The following NLRP5 variants were observed in gnomAD, a reference collection of about 807,000 sequenced individuals.
NLRP5 encodes the protein NLR family pyrin domain containing 5, also known as NACHT, LRR and PYD domains-containing protein 5.
Under a neutral mutation model 113.1 loss-of-function variants are expected in NLRP5, and 93 were observed. That is an observed-to-expected ratio of 0.82 (90% CI 0.70 to 0.98). The LOEUF (loss-of-function observed/expected upper bound fraction) is 0.98, where lower values mean the gene tolerates loss of function less well. Among genes scored for constraint, NLRP5 ranks in the 50% least tolerant of loss-of-function variants. The pLI, the probability that NLRP5 is intolerant of heterozygous loss-of-function variation, is 0.00. For synonymous variants in NLRP5, 751 were observed against 600.7 expected (o/e 1.25, Z -3.66); for missense variants, 1,808 against 1,514.3 (o/e 1.19, Z -3.22).
the NLRP5 span, among the ~76,000 whole-genome samples, chr19:55,990,353 T>C: frequency 6.6e-6 from 1 of 151,910 alleles, no homozygotes; most frequent in African/African-American, 2.4e-5. Context: ...GATCCCAAAG[T>C]GCTGGGATTA....
intron 6 of NLRP5, 140 bp downstream of exon 6, chr19:56,020,571 C>G (rs1982575987): frequency 4.5e-6 from 4 of 898,466 alleles, no homozygotes; most frequent in Non-Finnish European, 5.2e-6. Context: ...CAACCCCTTC[C>G]CTTCAAGCTC....
intron 3 of NLRP5, among the ~76,000 whole-genome samples, chr19:56,012,809 C>A (rs952172101): frequency 1.3e-5 from 2 of 152,182 alleles, no homozygotes; most frequent in African/African-American, 4.8e-5. Context: ...ACCTTTGATA[C>A]ACTTCTGATA....
chr19:56,037,981 T>C (rs201706612), intron 9 of NLRP5, 44 bp from the exon 10 acceptor site: 3 of 1,608,518 alleles, frequency 1.9e-6, no homozygotes, highest in East Asian at 2.2e-5. Context: ...AATGGGCTGC[T>C]TTGGACAAGA....
chr19:56,038,304 G>A, intron 10 of NLRP5, 109 bp downstream of exon 10: 6 of 1,249,632 alleles, frequency 4.8e-6, no homozygotes, highest in Non-Finnish European at 6.9e-6. Flanking sequence ...GTACAAACCA[G>A]GGGTGAGGAA....
chr19:56,056,191 C>CT (rs1371784005), intron 13 of NLRP5, among the ~76,000 whole-genome samples: 1 of 152,152 alleles, frequency 6.6e-6, no homozygotes, highest in African/African-American at 2.4e-5. Flanking sequence ...AAATCATTTA[C>CT]TAGGAAAGCC....
chr19:56,028,814 GAGTGT>G (rs1306919612), intron 7 of NLRP5, among the ~76,000 whole-genome samples: 1 of 152,188 alleles, frequency 6.6e-6, no homozygotes, highest in African/African-American at 2.4e-5. Context: ...TGCCAGGCTG[GAGTGT>G]AGTGGCACGA....
rs969116435 is a variant in NLRP5 at position 56,007,253 on chromosome 19, A to G, written c.443-1535A>G. On this transcript the variant is annotated intron_variant, in intron 2 of 14. Transcript: ENST00000390649. ...GTGGCAGGCACCTGTAATCCCAGCTACTAGGTAGGCTGAGGCAGGAGAATC... is the reference window on the plus strand; with the variant it reads ...GTGGCAGGCACCTGTAATCCCAGCTGCTAGGTAGGCTGAGGCAGGAGAATC... Among the ~76,000 whole-genome samples the G allele has an allele frequency of 2.1e-4, 31 of 151,208 alleles. No individual in the cohort carries two copies. In the South Asian group the frequency reaches 3.5e-3, roughly 17 times the overall value.
intron 6 of NLRP5, among the ~76,000 whole-genome samples, chr19:56,024,549 ATG>A (rs1310555575): frequency 1.4e-5 from 2 of 145,840 alleles, no homozygotes; most frequent in Non-Finnish European, 3.0e-5. Flanking sequence ...ATGTATGTAT[ATG>A]TGTATATATG....
chr19:55,995,859 T>C (rs1981307770), upstream of NLRP5, among the ~76,000 whole-genome samples: 1 of 152,186 alleles, frequency 6.6e-6, no homozygotes, highest in African/African-American at 2.4e-5. Context: ...TTGCTTTCTT[T>C]TTCAGCTAGT....
At chr19:56,052,267 TTGTTTC>T (rs1321568023) in intron 12 of NLRP5, among the ~76,000 whole-genome samples, 4 of 151,992 alleles carry the variant, frequency 2.6e-5, no homozygotes, top group Non-Finnish European at 5.9e-5. Context: ...GTTTTTGTTT[TTGTTTC>T]TGTTTTTGTT....
chr19:55,997,718 C>G (rs749128274), upstream of NLRP5, among the ~76,000 whole-genome samples: 39 of 152,022 alleles, frequency 2.6e-4, no homozygotes, highest in Non-Finnish European at 4.7e-4. Context: ...AAAAAAATAG[C>G]TGGGTGTGGT....
intron 3 of NLRP5, among the ~76,000 whole-genome samples, chr19:56,011,713 CTAGA>C (rs1236801894): frequency 1.3e-4 from 19 of 150,658 alleles, no homozygotes; most frequent in Non-Finnish European, 1.8e-4. Flanking sequence ...TCTTTCCCGC[CTAGA>C]TAGTCTCGCT....
intron 9 of NLRP5, among the ~76,000 whole-genome samples, chr19:56,034,178 C>T (rs1046931682): frequency 5.9e-5 from 9 of 152,152 alleles, no homozygotes; most frequent in Non-Finnish European, 1.3e-4. Context: ...CACTTGAGGT[C>T]AGGAGTTCAA....
At chr19:56,005,166 TATATTTTTATATATACACAC>T (rs1568481446) in intron 2 of NLRP5, among the ~76,000 whole-genome samples, 1 of 135,984 alleles carries the variant, frequency 7.4e-6, no homozygotes, top group Admixed American at 7.3e-5. Flanking sequence ...CATATACACA[TATATTTTTATATATACACAC>T]ATATTTTTAT....
chr19:55,987,326 C>T, the NLRP5 span, among the ~76,000 whole-genome samples: 75 of 152,326 alleles, frequency 4.9e-4, no homozygotes, highest in African/African-American at 1.8e-3. Context: ...GCCAAGGTCA[C>T]GCCACTGCAC....
At chr19:56,030,198 C>T (rs1983041909) in intron 7 of NLRP5, among the ~76,000 whole-genome samples, 1 of 151,964 alleles carries the variant, frequency 6.6e-6, no homozygotes, top group African/African-American at 2.4e-5. Context: ...AGTGAAACCC[C>T]ATCTCTGCTA....
intron 11 of NLRP5, among the ~76,000 whole-genome samples, chr19:56,050,003 G>A (rs1363323563): frequency 1.3e-5 from 2 of 152,172 alleles, no homozygotes; most frequent in African/African-American, 4.8e-5. Flanking sequence ...AACCTGGCCA[G>A]GTGTGGTGGC....
At chr19:55,990,859 CTG>C in the NLRP5 span, among the ~76,000 whole-genome samples, 1 of 152,046 alleles carries the variant, frequency 6.6e-6, no homozygotes, top group Non-Finnish European at 1.5e-5. Context: ...TTGAGGGTGT[CTG>C]TAATCCCAGC....
At chr19:56,042,132 G>A (rs961457699) in intron 11 of NLRP5, among the ~76,000 whole-genome samples, 10 of 152,192 alleles carry the variant, frequency 6.6e-5, no homozygotes, top group Non-Finnish European at 1.3e-4. Flanking sequence ...GCATGACCAG[G>A]AAGGACTGAG....
Sources: allele counts gnomAD v4.1 joint callset (sites outside exome capture counted in the v4.1 genomes callset), GRCh38; gene constraint gnomAD v4.1.1; transcripts MANE v1.5; gene names NCBI Gene and HGNC (gene_info 2026-07-23, HGNC 2026-07-21).